Variants in PCDHGB3 observed in about 807,000 individuals in gnomAD.
PCDHGB3 encodes the protein protocadherin gamma-B3.
PCDHGB3 carries 40 observed loss-of-function variants against 59.2 expected under a neutral mutation model. The ratio of observed to expected loss-of-function variants is 0.68; its 90% CI spans 0.52 to 0.88. The LOEUF is 0.88. PCDHGB3 is among the 40% of genes least tolerant of loss of function. The pLI, the probability that PCDHGB3 is intolerant of heterozygous loss-of-function variation, is 0.00. For synonymous variants in PCDHGB3, 581 were observed against 503.6 expected (o/e 1.15, Z -2.06); for missense variants, 1,309 against 1,187.9 (o/e 1.10, Z -1.50).
chr5:141,409,203 T>TC, intron 1 of PCDHGB3: 1 of 1,613,964 alleles, frequency 6.2e-7, no homozygotes, highest in Non-Finnish European at 8.5e-7. Context: ...TGTAAAGTAA[T>TC]CATAGAAATC....
rs1048686904 is a variant in PCDHGB3, at chr5:141,410,286, C to T, written c.2415+37477C>T. 3.7e-6 allele frequency: 6 copies of T among 1,613,916 alleles called. No homozygotes were observed. The African/African-American group carries it at 6.7e-5, about 18-fold the overall frequency. On this transcript the variant is annotated intron_variant, in intron 1 of 3. Transcript: ENST00000576222. Reference sequence around the variant, plus strand: ...GAACTGCAGTTTTACCTGGTGGTGGCCTTGGCCTTAATCTCAGTGCTCTTC... The same window carrying T: ...GAACTGCAGTTTTACCTGGTGGTGGTCTTGGCCTTAATCTCAGTGCTCTTC...
chr5:141,469,499 C>T lies in PCDHGB3; in HGVS notation c.2416-25308C>T, dbSNP rs1023274165. Among the ~76,000 whole-genome samples, 22 of 152,128 alleles carry T rather than the reference C, an allele frequency of 1.4e-4. 1 individual carries two copies. The highest frequency in any genetic ancestry group is 3.9e-4 in the African/African-American group (16 of 41,510). On this transcript the variant is annotated intron_variant, in intron 1 of 3. Coordinates refer to ENST00000576222, the MANE Select transcript of PCDHGB3 (RefSeq NM_018924.5). ...CTGAGGCAGGAGAATCGCTTGAACC[C>T]GGGAGGTGGAGGTTGCAGTGAGCCA...
chr5:141,487,397 G>C lies in PCDHGB3; in HGVS notation c.2416-7410G>C. On this transcript the variant is annotated intron_variant, in intron 1 of 3. Coordinates refer to ENST00000576222, the MANE Select transcript of PCDHGB3 (RefSeq NM_018924.5). The surrounding 1 kb of genome is among the most constrained non-coding windows in gnomAD (Gnocchi z 5.0). ...TCTCACCAGATCTCGAAGGAGGGAG[G>C]GGCTTCCCCCTTCCAATGGGATCCT... The C allele has an allele frequency of 6.2e-7, 1 of 1,614,062 alleles. No homozygotes were observed. The highest frequency in any genetic ancestry group is 8.5e-7 in the Non-Finnish European group (1 of 1,180,008).
intron 1 of PCDHGB3, chr5:141,439,735 G>A (rs1317592646): frequency 1.3e-5 from 2 of 152,360 alleles, no homozygotes; most frequent in Non-Finnish European, 2.9e-5. Flanking sequence ...AGCAGGAACG[G>A]AACGGATTTA....
chr5:141,375,048 G>A (rs1457528416), intron 1 of PCDHGB3: 4 of 1,614,022 alleles, frequency 2.5e-6, no homozygotes, highest in South Asian at 1.1e-5. Flanking sequence ...GTTGAAGCCC[G>A]GGATGGGCCA....
At chr5:141,415,293 C>T in intron 1 of PCDHGB3, 1 of 1,614,192 alleles carries the variant, frequency 6.2e-7, no homozygotes, top group Non-Finnish European at 8.5e-7. Flanking sequence ...CGGTCTCCTG[C>T]GTCTTCCTGG....
At chr5:141,417,798 C>T in intron 1 of PCDHGB3, 2 of 1,486,472 alleles carry the variant, frequency 1.3e-6, no homozygotes, top group Non-Finnish European at 1.8e-6. Context: ...GCTCTTTTAG[C>T]GCGGTAGAGT....
intron 1 of PCDHGB3, chr5:141,417,670 A>T: frequency 1.1e-6 from 1 of 929,118 alleles, no homozygotes; most frequent in Admixed American, 3.2e-5. Context: ...TTCCCTGCGC[A>T]GCCAACAACA....
At chr5:141,440,558 T>C (rs546919141) in intron 1 of PCDHGB3, 1 of 152,350 alleles carries the variant, frequency 6.6e-6, no homozygotes, top group East Asian at 1.9e-4. Context: ...TGTTATTAAG[T>C]TACGTATCTC....
chr5:141,421,359 C>A (rs2096566292), intron 1 of PCDHGB3: 6 of 1,614,012 alleles, frequency 3.7e-6, no homozygotes, highest in Non-Finnish European at 5.1e-6. Context: ...AAAAGGGCTC[C>A]TTCGTGGGCA....
intron 1 of PCDHGB3, chr5:141,384,511 G>A (rs1780163912): frequency 6.2e-7 from 1 of 1,614,188 alleles, no homozygotes; most frequent in Non-Finnish European, 8.5e-7. Flanking sequence ...ACATGACAGC[G>A]GGGACCCGCC....
chr5:141,431,536 G>T lies in PCDHGB3; in HGVS notation c.2415+58727G>T. Reference sequence around the variant, plus strand: ...TTCCGGAGAATCTGGCCTTGGGCACGCAGCTGCTTGTAGTCAACGCTACCG... The same window carrying T: ...TTCCGGAGAATCTGGCCTTGGGCACTCAGCTGCTTGTAGTCAACGCTACCG... On this transcript the variant is annotated intron_variant, in intron 1 of 3. Coordinates refer to ENST00000576222, the MANE Select transcript of PCDHGB3 (RefSeq NM_018924.5). The surrounding 1 kb of genome is among the most constrained non-coding windows in gnomAD (Gnocchi z 4.8). 6.2e-7 allele frequency: 1 copy of T among 1,614,068 alleles called. No homozygotes were observed. Among genetic ancestry groups the T allele is most frequent in the Non-Finnish European group, 8.5e-7 (1 of 1,180,022 alleles).
intron 1 of PCDHGB3, chr5:141,412,667 AC>A (rs1385712050): frequency 6.6e-6 from 1 of 152,284 alleles, no homozygotes; most frequent in Non-Finnish European, 1.5e-5. Flanking sequence ...CACTAATATG[AC>A]CTAAAATAAG....
chr5:141,392,877 A>T, intron 1 of PCDHGB3: 1 of 1,613,506 alleles, frequency 6.2e-7, no homozygotes, highest in Non-Finnish European at 8.5e-7. Flanking sequence ...GCTGCTGGGA[A>T]CGCTGTGGGA....
At chr5:141,496,329 C>T (rs1435070517) in intron 2 of PCDHGB3, among the ~76,000 whole-genome samples, 2 of 152,186 alleles carry the variant, frequency 1.3e-5, no homozygotes, top group South Asian at 4.1e-4. Context: ...AGTTAGAAGT[C>T]AGGAGCCTGG....
chr5:141,449,498 A>G (rs1190732747), intron 1 of PCDHGB3, among the ~76,000 whole-genome samples: 7 of 150,506 alleles, frequency 4.7e-5, no homozygotes, highest in Non-Finnish European at 8.9e-5. Flanking sequence ...GTGAGGCATG[A>G]GAAATGCTTG....
At chr5:141,384,568 G>A (rs1780218340) in intron 1 of PCDHGB3, 1 of 1,614,118 alleles carries the variant, frequency 6.2e-7, no homozygotes, top group Non-Finnish European at 8.5e-7. Context: ...GGACCAGAAT[G>A]ACAACCCGCC....
Position 141,491,984 on chromosome 5 carries a change from C to G in PCDHGB3, c.2416-2823C>G. 1.4e-6 allele frequency: 1 copy of G among 734,256 alleles called. No homozygotes were observed. The highest frequency in any genetic ancestry group is 3.2e-5 in the East Asian group (1 of 31,678). The allele number at this position is 734,256 out of a possible 1,614,324, so 45.5% of individuals were successfully genotyped here. ...AAGGCCGGGGCCTCCTTCGAGCTTC[C>G]GGTGAATTTCGGGCGATTTCCGCGG... On this transcript the variant is annotated intron_variant, in intron 1 of 3. Coordinates refer to ENST00000576222, the MANE Select transcript of PCDHGB3 (RefSeq NM_018924.5). The surrounding 1 kb of genome is among the most constrained non-coding windows in gnomAD (Gnocchi z 6.9).
At chr5:141,494,445 A>G (rs1424475551) in intron 1 of PCDHGB3, among the ~76,000 whole-genome samples, 1 of 152,158 alleles carries the variant, frequency 6.6e-6, no homozygotes, top group East Asian at 1.9e-4. Flanking sequence ...TTGCCACTTT[A>G]GGGGGCTTTG....
Sources: allele counts gnomAD v4.1 joint callset (sites outside exome capture counted in the v4.1 genomes callset), GRCh38; gene constraint gnomAD v4.1.1; non-coding constraint Gnocchi (gnomAD v3.1); transcripts MANE v1.5; gene names NCBI Gene and HGNC (gene_info 2026-07-23, HGNC 2026-07-21).